Variants in DNAJC3 observed in about 807,000 individuals in gnomAD.
DNAJC3 encodes the protein DnaJ heat shock protein family (Hsp40) member C3, also known as dnaJ homolog subfamily C member 3.
In DNAJC3, 38 loss-of-function variants were observed where a neutral mutation model predicts 68.6. The ratio of observed to expected loss-of-function variants is 0.55; its 90% CI spans 0.43 to 0.73. DNAJC3 has a LOEUF of 0.73. DNAJC3 is among the 30% of genes least tolerant of loss of function. The pLI is 0.00. For missense variants in DNAJC3, 526 were observed against 591.9 expected (o/e 0.89, Z 1.16); for synonymous variants, 203 against 204.0 (o/e 1.00, Z 0.04).
chr13:95,704,122 A>G lies in DNAJC3; in HGVS notation c.83-5105A>G, dbSNP rs1197972325. 3.3e-5 allele frequency among the ~76,000 whole-genome samples: 5 copies of G among 152,354 alleles called. No individual in the cohort carries two copies. In the South Asian group the frequency reaches 8.3e-4, roughly 25 times the overall value. On this transcript the variant is annotated intron_variant, in intron 1 of 11. Coordinates refer to ENST00000602402, the MANE Select transcript of DNAJC3 (RefSeq NM_006260.5). ...GTGACATAAGAAGTACAAAATGGCCATATGGGAGTCTCATCTTCCAATTAA... is the reference window on the plus strand; with the variant it reads ...GTGACATAAGAAGTACAAAATGGCCGTATGGGAGTCTCATCTTCCAATTAA...
chr13:95,721,568 A>G (rs1881323553), intron 2 of DNAJC3, among the ~76,000 whole-genome samples: 1 of 151,568 alleles, frequency 6.6e-6, no homozygotes, highest in African/African-American at 2.4e-5. Context: ...CCTTGCGAAC[A>G]TTTGTTATTT....
intron 2 of DNAJC3, among the ~76,000 whole-genome samples, chr13:95,710,332 C>A (rs1880916987): frequency 1.3e-5 from 2 of 151,438 alleles, no homozygotes; most frequent in South Asian, 4.2e-4. Flanking sequence ...ACTGCAGCCT[C>A]AGCCTCCTGA....
intron 1 of DNAJC3, chr13:95,693,988 C>G (rs1880356783): frequency 6.6e-6 from 1 of 152,106 alleles, no homozygotes; most frequent in African/African-American, 2.4e-5. Context: ...CTCTATTACC[C>G]CAAGTAATTT....
chr13:95,682,101 T>A (rs1027887309), intron 1 of DNAJC3, among the ~76,000 whole-genome samples: 4 of 152,178 alleles, frequency 2.6e-5, no homozygotes, highest in Admixed American at 1.3e-4. Context: ...ATAAAAAAAA[T>A]TTCAACCTGA....
In DNAJC3 at chr13:95,763,825, C is replaced by G; in HGVS notation, c.955-8C>G. 6.2e-7 allele frequency: 1 copy of G among 1,613,996 alleles called. No homozygotes were observed. The highest frequency in any genetic ancestry group is 8.5e-7 in the Non-Finnish European group (1 of 1,179,928). ...AACCATAAATCCTTGTCTCACATTT[C>G]CTTTTAGGACGAGAAGCCTGTTGAA... On this transcript the variant is annotated splice_region_variant and splice_polypyrimidine_tract_variant and intron_variant, in intron 8 of 11. Transcript: ENST00000602402.
At chr13:95,764,082 C>A in intron 9 of DNAJC3, 129 bp downstream of exon 9, 2 of 1,392,276 alleles carry the variant, frequency 1.4e-6, no homozygotes, top group Non-Finnish European at 1.9e-6. Context: ...AGAAAAATGG[C>A]AGAGAACTTG....
intron 9 of DNAJC3, among the ~76,000 whole-genome samples, chr13:95,773,148 T>C (rs78437599): frequency 7.2e-6 from 1 of 139,242 alleles, no homozygotes; most frequent in African/African-American, 2.9e-5. Flanking sequence ...TTTTGACAAA[T>C]TTAGTTTTTT....
At chr13:95,783,649 G>T (rs1370651158) in intron 9 of DNAJC3, among the ~76,000 whole-genome samples, 1 of 152,168 alleles carries the variant, frequency 6.6e-6, no homozygotes, top group Non-Finnish European at 1.5e-5. Flanking sequence ...ATAAAAGATT[G>T]AAGGGTCCCC....
intron 9 of DNAJC3, among the ~76,000 whole-genome samples, chr13:95,781,092 T>A (rs200548579): frequency 6.6e-6 from 1 of 152,212 alleles, no homozygotes; most frequent in East Asian, 1.9e-4. Flanking sequence ...GAGCCCTGCT[T>A]CACTCATTTT....
chr13:95,712,117 ATAT>A (rs762536791), intron 2 of DNAJC3, among the ~76,000 whole-genome samples: 1 of 152,228 alleles, frequency 6.6e-6, no homozygotes, highest in Non-Finnish European at 1.5e-5. Flanking sequence ...CAGGAGAAAA[ATAT>A]TATTTCAAAG....
At chr13:95,711,061 A>G (rs1880940922) in intron 2 of DNAJC3, among the ~76,000 whole-genome samples, 1 of 152,220 alleles carries the variant, frequency 6.6e-6, no homozygotes, top group South Asian at 2.1e-4. Flanking sequence ...TTTACTATAT[A>G]AACTCAATGT....
chr13:95,736,656 T>C (rs1182377403), intron 4 of DNAJC3, among the ~76,000 whole-genome samples: 3 of 151,748 alleles, frequency 2.0e-5, no homozygotes, highest in Non-Finnish European at 4.4e-5. Context: ...CTTTTGATTT[T>C]TGTACATTGA....
At chr13:95,698,522 A>C (rs560937521) in intron 1 of DNAJC3, among the ~76,000 whole-genome samples, 1 of 152,310 alleles carries the variant, frequency 6.6e-6, no homozygotes, top group African/African-American at 2.4e-5. Context: ...CACTGGCTTC[A>C]TGTCCTGGAC....
chr13:95,782,846 C>T (rs992539995), intron 9 of DNAJC3, among the ~76,000 whole-genome samples: 1 of 152,132 alleles, frequency 6.6e-6, no homozygotes, highest in African/African-American at 2.4e-5. Flanking sequence ...TCAATTTTGG[C>T]GTTTGTTGCC....
chr13:95,733,494 C>T (rs950325091), intron 4 of DNAJC3, among the ~76,000 whole-genome samples: 5 of 152,092 alleles, frequency 3.3e-5, no homozygotes, highest in Non-Finnish European at 7.4e-5. Context: ...TGGGTTCAAG[C>T]AATTCTCCTG....
chr13:95,718,154 T>G (rs776497236), intron 2 of DNAJC3, among the ~76,000 whole-genome samples: 5 of 152,246 alleles, frequency 3.3e-5, no homozygotes, highest in Non-Finnish European at 7.3e-5. Flanking sequence ...TATTTCCACA[T>G]GTAGACTTGC....
intron 1 of DNAJC3, among the ~76,000 whole-genome samples, chr13:95,696,499 T>C (rs1880442731): frequency 2.0e-5 from 3 of 152,210 alleles, no homozygotes; most frequent in South Asian, 4.1e-4. Flanking sequence ...AGCACTGTCA[T>C]GCATTTGGTA....
At chr13:95,696,106 C>T in intron 1 of DNAJC3, among the ~76,000 whole-genome samples, 1 of 152,146 alleles carries the variant, frequency 6.6e-6, no homozygotes, top group East Asian at 1.9e-4. Context: ...ATCACTCATT[C>T]AGACATTACA....
At chr13:95,746,240 A>G (rs1882302882) in intron 4 of DNAJC3, among the ~76,000 whole-genome samples, 1 of 152,242 alleles carries the variant, frequency 6.6e-6, no homozygotes, top group African/African-American at 2.4e-5. Flanking sequence ...GATAGTTGCT[A>G]CTATCTGCAT....
Sources: allele counts gnomAD v4.1 joint callset (sites outside exome capture counted in the v4.1 genomes callset), GRCh38; gene constraint gnomAD v4.1.1; transcripts MANE v1.5; gene names NCBI Gene and HGNC (gene_info 2026-07-23, HGNC 2026-07-21).